ZNF83: variants seen among roughly 807,000 people sequenced by gnomAD.
ZNF83 encodes zinc finger protein 816B.
For synonymous variants in ZNF83, 209 were observed against 213.0 expected (o/e 0.98, Z 0.17); for missense variants, 552 against 629.9 (o/e 0.88, Z 1.32).
intron 1 of ZNF83, among the ~76,000 whole-genome samples, chr19:52,681,230 T>C (rs1600273371): frequency 7.6e-6 from 1 of 131,140 alleles, no homozygotes; most frequent in Non-Finnish European, 1.6e-5. Context: ...CTGCAGTGAG[T>C]TGAGATCACA....
exon 3 of ZNF83, chr19:52,613,708 T>C: frequency 7.3e-7 from 1 of 1,362,658 alleles, no homozygotes; most frequent in Non-Finnish European, 9.5e-7. Context: ...GTAAGGTTTC[T>C]CTCCAGTGTG....
chr19:52,667,629 G>A (rs2061672627), intron 1 of ZNF83, among the ~76,000 whole-genome samples: 1 of 152,148 alleles, frequency 6.6e-6, no homozygotes, highest in African/African-American at 2.4e-5. Context: ...TAATTGTAAA[G>A]GAAATTCTGT....
chr19:52,652,023 G>T, intron 3 of ZNF83: 1 of 203,204 alleles, frequency 4.9e-6, no homozygotes, highest in South Asian at 9.1e-5. Flanking sequence ...TCTCAAAAAT[G>T]AATTTTCTAC....
At chr19:52,687,107 G>GA (rs1389588912) in intron 1 of ZNF83, among the ~76,000 whole-genome samples, 3 of 149,382 alleles carry the variant, frequency 2.0e-5, no homozygotes, top group Non-Finnish European at 4.4e-5. Flanking sequence ...CTTGAACCCA[G>GA]AAAGCAGAGG....
intron 2 of ZNF83, among the ~76,000 whole-genome samples, chr19:52,632,720 A>G (rs1362788116): frequency 6.6e-6 from 1 of 152,104 alleles, no homozygotes; most frequent in East Asian, 1.9e-4. Context: ...GTTCCTCCCA[A>G]TTCTTAGTCC....
upstream of ZNF83, among the ~76,000 whole-genome samples, chr19:52,639,425 T>TTTTTC (rs763284522): frequency 7.3e-3 from 1,041 of 142,874 alleles, 24 homozygotes; most frequent in Non-Finnish European, 8.7e-3. Context: ...ATTTTTTTTT[T>TTTTTC]TTTTTTTTTT....
chr19:52,613,893 C>T (rs1233986523), exon 3 of ZNF83: 1 of 1,613,970 alleles, frequency 6.2e-7, no homozygotes, highest in Non-Finnish European at 8.5e-7. Context: ...TATGAATTGT[C>T]CGATGTTGTG....
In ZNF83 at chr19:52,667,884, G is replaced by T. The variant is rs193273190; in HGVS notation, c.-282-7041C>A. On this transcript the variant is annotated intron_variant, in intron 1 of 5. Transcript: ENST00000594682. Reference sequence around the variant, plus strand: ...TAAAACACTAATATAAAGGTGAAATGTAGCTTATCTGGTATAAAAATCATA... The same window carrying T: ...TAAAACACTAATATAAAGGTGAAATTTAGCTTATCTGGTATAAAAATCATA... 2.8e-3 allele frequency among the ~76,000 whole-genome samples: 420 copies of T among 152,292 alleles called. 3 individuals carry two copies. The highest frequency in any genetic ancestry group is 4.0e-3 in the Non-Finnish European group (270 of 68,026).
chr19:52,687,574 A>C (rs1257162834), intron 1 of ZNF83, among the ~76,000 whole-genome samples: 1 of 36,200 alleles, frequency 2.8e-5, no homozygotes, highest in African/African-American at 1.8e-4. Context: ...TATATATATA[A>C]ATTTTATATA....
At chr19:52,618,902 A>C (rs35672405) in intron 2 of ZNF83, 85,228 of 1,271,852 alleles carry the variant, frequency 0.067, 8,686 homozygotes, top group African/African-American at 0.12. Flanking sequence ...TACACAAGGG[A>C]ACATCCCCAC....
chr19:52,617,181 G>A (rs1484702193), intron 2 of ZNF83: 1 of 152,098 alleles, frequency 6.6e-6, no homozygotes, highest in Non-Finnish European at 1.5e-5. Context: ...GACACGACAT[G>A]GCAAATAGAT....
intron 3 of ZNF83, chr19:52,652,866 G>T: frequency 9.9e-7 from 1 of 1,007,450 alleles, no homozygotes; most frequent in Non-Finnish European, 1.6e-6. Context: ...ACATATGACT[G>T]AAGGTCTTGC....
intron 2 of ZNF83, among the ~76,000 whole-genome samples, chr19:52,658,411 C>A (rs2061535379): frequency 6.6e-6 from 1 of 152,044 alleles, no homozygotes; most frequent in Non-Finnish European, 1.5e-5. Context: ...ACCAAAAATA[C>A]AACAATTAGC....
Position 52,670,688 on chromosome 19 carries a change from C to G in ZNF83, c.-282-9845G>C, listed in dbSNP as rs1196395260. 2.0e-5 allele frequency among the ~76,000 whole-genome samples: 3 copies of G among 152,134 alleles called. No homozygotes were observed. The East Asian group carries it at 5.8e-4, about 29-fold the overall frequency. ...TCAGGAGGTCCTGAGAACATATGTC[C>G]AAGGTGATGGGGAACAGCTTCTTCT... On this transcript the variant is annotated intron_variant, in intron 1 of 5. Transcript: ENST00000594682.
intron 3 of ZNF83, among the ~76,000 whole-genome samples, chr19:52,645,010 T>TAAAA (rs35106617): frequency 9.0e-6 from 1 of 111,142 alleles, no homozygotes. Context: ...AACTCCATCT[T>TAAAA]AAAAAAAAAA....
At chr19:52,669,762 C>G (rs866312691) in intron 1 of ZNF83, among the ~76,000 whole-genome samples, 1 of 152,136 alleles carries the variant, frequency 6.6e-6, no homozygotes, top group African/African-American at 2.4e-5. Flanking sequence ...AATGGGTGTA[C>G]TTATTCTTGT....
upstream of ZNF83, among the ~76,000 whole-genome samples, chr19:52,638,739 C>T (rs765211876): frequency 3.9e-5 from 6 of 152,302 alleles, no homozygotes; most frequent in Middle Eastern, 3.4e-3. Context: ...AGAGAGTCCA[C>T]GCTGTGCTCA....
intron 2 of ZNF83, among the ~76,000 whole-genome samples, chr19:52,659,949 T>C (rs972126302): frequency 3.3e-5 from 5 of 152,222 alleles, no homozygotes; most frequent in South Asian, 4.1e-4. Flanking sequence ...TCCCACGACC[T>C]TGGGAGGCTG....
At chr19:52,619,128 G>A (rs1040257437) in intron 2 of ZNF83, 87 of 1,611,224 alleles carry the variant, frequency 5.4e-5, no homozygotes, top group African/African-American at 1.1e-4. Flanking sequence ...AGAAAATGAG[G>A]AGAGCGGTGA....
Sources: gnomAD v4.1 joint callset for allele counts (sites outside exome capture counted in the v4.1 genomes callset) on GRCh38, gnomAD v4.1.1 for gene constraint, MANE v1.5 for transcripts, NCBI Gene and HGNC (gene_info 2026-07-23, HGNC 2026-07-21) for gene names.